Variants in TTC39C observed in about 807,000 individuals in gnomAD.
TTC39C encodes tetratricopeptide repeat protein 39C.
In TTC39C, 33 loss-of-function variants were observed where a neutral mutation model predicts 76.3. The ratio of observed to expected loss-of-function variants is 0.43; its 90% confidence interval spans 0.33 to 0.58. The LOEUF (loss-of-function observed/expected upper bound fraction) is 0.58. Ranked by LOEUF, TTC39C falls within the 20% of genes least tolerant of loss-of-function variation. The pLI, the probability that TTC39C is intolerant of heterozygous loss-of-function variation, is 0.04. For missense variants in TTC39C, 595 were observed against 701.4 expected (o/e 0.85, Z 1.71); for synonymous variants, 254 against 260.6 (o/e 0.97, Z 0.24).
At chr18:24,095,714 C>A (rs570496502) in intron 6 of TTC39C, among the ~76,000 whole-genome samples, 18 of 151,682 alleles carry the variant, frequency 1.2e-4, no homozygotes, top group Admixed American at 2.6e-4. Context: ...AACAAACAAA[C>A]AAAAAAAAAC....
intron 7 of TTC39C, 113 bp from the exon 8 acceptor site, chr18:24,118,012 C>T: frequency 1.4e-6 from 1 of 697,084 alleles, no homozygotes; most frequent in Non-Finnish European, 2.2e-6. Context: ...CTTTTTTACG[C>T]ATTTCATAGA....
chr18:24,069,324 G>T (rs1444317992), intron 4 of TTC39C, 53 bp downstream of exon 4: 2 of 1,448,200 alleles, frequency 1.4e-6, no homozygotes, highest in Non-Finnish European at 1.9e-6. Context: ...CACACAATTA[G>T]TAATATGCTT....
chr18:24,080,529 GA>G lies in TTC39C; in HGVS notation c.461-53del, dbSNP rs146437004. On this transcript the variant is annotated intron_variant, in intron 4 of 13. Coordinates refer to ENST00000317571, the MANE Select transcript of TTC39C (RefSeq NM_001135993.2). ...TTACTGTTCAGTATCCTTTACTATA[GA>G]AATAGAAAAATTATTTTGAATGTTT... 1,220 of 1,368,750 alleles carry G rather than the reference GA, an allele frequency of 8.9e-4. 7 individuals are homozygous for G. The African/African-American group carries it at 0.015, about 17-fold the overall frequency. The allele number at this position is 1,368,750 out of a possible 1,614,324, so 84.8% of individuals were successfully genotyped here.
intron 1 of TTC39C, chr18:24,016,648 A>G (rs1309852697): frequency 5.0e-6 from 2 of 398,552 alleles, no homozygotes; most frequent in East Asian, 3.6e-5. Flanking sequence ...AAGAAATTTT[A>G]TGCACTGTTA....
chr18:24,088,882 T>C (rs1292010400), intron 6 of TTC39C, among the ~76,000 whole-genome samples: 1 of 152,362 alleles, frequency 6.6e-6, no homozygotes, highest in Middle Eastern at 3.4e-3. Context: ...GGCGTGCCTG[T>C]GTTCTGTCTC....
At chr18:24,074,851 T>A (rs925211992) in intron 4 of TTC39C, among the ~76,000 whole-genome samples, 1 of 152,096 alleles carries the variant, frequency 6.6e-6, no homozygotes, top group African/African-American at 2.4e-5. Flanking sequence ...CACATGCACA[T>A]GTATGTTTAT....
At chr18:24,015,088 C>A in intron 1 of TTC39C, 50 bp downstream of exon 1, 2 of 1,363,392 alleles carry the variant, frequency 1.5e-6, no homozygotes. Flanking sequence ...CACCTCGTGT[C>A]CGGCTCACGC....
chr18:24,015,271 G>T, intron 1 of TTC39C: 1 of 399,500 alleles, frequency 2.5e-6, no homozygotes, highest in Non-Finnish European at 4.4e-6. Flanking sequence ...CCCGCCGCGC[G>T]CCCGCCCCGC....
chr18:24,028,973 T>C (rs1190178914), intron 1 of TTC39C, among the ~76,000 whole-genome samples: 1 of 152,236 alleles, frequency 6.6e-6, no homozygotes, highest in Non-Finnish European at 1.5e-5. Context: ...TCCACCCATC[T>C]CAGCCTCCCA....
At chr18:24,027,437 T>C (rs551213924) in intron 1 of TTC39C, among the ~76,000 whole-genome samples, 1 of 152,304 alleles carries the variant, frequency 6.6e-6, no homozygotes, top group African/African-American at 2.4e-5. Context: ...GCAACTGATA[T>C]CTGGAACAAG....
chr18:24,118,889 C>T (rs930616267), intron 8 of TTC39C, among the ~76,000 whole-genome samples: 3 of 152,108 alleles, frequency 2.0e-5, no homozygotes, highest in Non-Finnish European at 4.4e-5. Context: ...CTCCTGGCCT[C>T]AAGTGATCCT....
intron 1 of TTC39C, among the ~76,000 whole-genome samples, chr18:24,038,379 C>T (rs1047019253): frequency 6.6e-6 from 1 of 152,176 alleles, no homozygotes; most frequent in Non-Finnish European, 1.5e-5. Flanking sequence ...ACCTCCCAGG[C>T]TCAGGTGATC....
At chr18:24,000,488 G>A (rs969345094) in intron 1 of TTC39C, 4 of 152,206 alleles carry the variant, frequency 2.6e-5, no homozygotes, top group Non-Finnish European at 4.4e-5. Flanking sequence ...CTCCAGAACT[G>A]TGAGAGAATA....
intron 4 of TTC39C, among the ~76,000 whole-genome samples, chr18:24,078,008 G>C (rs1008029832): frequency 6.6e-6 from 1 of 152,130 alleles, no homozygotes; most frequent in African/African-American, 2.4e-5. Context: ...ATTTCACTTC[G>C]ATTCACCCAG....
At chr18:24,034,677 T>G (rs1193926590) in intron 1 of TTC39C, among the ~76,000 whole-genome samples, 1 of 152,218 alleles carries the variant, frequency 6.6e-6, no homozygotes, top group Non-Finnish European at 1.5e-5. Context: ...TTCTGCTTTC[T>G]GTCTCTATGA....
At chr18:24,058,785 C>A (rs892810460) in intron 1 of TTC39C, among the ~76,000 whole-genome samples, 4 of 152,168 alleles carry the variant, frequency 2.6e-5, no homozygotes, top group African/African-American at 9.7e-5. Context: ...ATCTCACTAA[C>A]GCTTGATATT....
At chr18:24,038,967 G>A (rs1346532257) in intron 1 of TTC39C, among the ~76,000 whole-genome samples, 1 of 152,138 alleles carries the variant, frequency 6.6e-6, no homozygotes, top group East Asian at 1.9e-4. Context: ...AAAGCCCTGT[G>A]TCCAGATATA....
intron 6 of TTC39C, among the ~76,000 whole-genome samples, chr18:24,091,327 A>G (rs186645389): frequency 2.0e-5 from 3 of 152,308 alleles, no homozygotes; most frequent in Non-Finnish European, 4.4e-5. Context: ...CTGTAGGCCC[A>G]GCTATTCAGG....
intron 10 of TTC39C, 131 bp downstream of exon 10, chr18:24,125,681 T>C (rs2306812): frequency 0.6 from 722,010 of 1,211,666 alleles, 224,324 homozygotes; most frequent in Non-Finnish European, 0.65. Flanking sequence ...CATCTCTCCT[T>C]AGATAGAGGG....
Sources: allele counts gnomAD v4.1 joint callset (sites outside exome capture counted in the v4.1 genomes callset), GRCh38; gene constraint gnomAD v4.1.1; transcripts MANE v1.5; gene names NCBI Gene and HGNC (gene_info 2026-07-23, HGNC 2026-07-21).